Variants in LINGO2 observed in about 807,000 individuals in gnomAD.
LINGO2 encodes the protein leucine-rich repeat and immunoglobulin-like domain-containing nogo receptor-interacting protein 2.
Under a neutral mutation model 30.6 loss-of-function variants are expected in LINGO2, and 14 were observed. The observed-to-expected ratio is 0.46, with a 90% CI of 0.30 to 0.72. LINGO2 has a LOEUF of 0.72. LINGO2 is among the 30% of genes least tolerant of loss of function. LINGO2 has a pLI of 0.07. For synonymous variants in LINGO2, 317 were observed against 288.5 expected (o/e 1.10, Z -1.00); for missense variants, 729 against 751.7 (o/e 0.97, Z 0.35).
chr9:28,714,605 T>C, the LINGO2 span, among the ~76,000 whole-genome samples: 2 of 152,150 alleles, frequency 1.3e-5, no homozygotes, highest in Non-Finnish European at 2.9e-5. Flanking sequence ...GTCATTTTGG[T>C]GTTTTAATGA....
At chr9:28,891,178 A>G in the LINGO2 span, among the ~76,000 whole-genome samples, 3 of 152,156 alleles carry the variant, frequency 2.0e-5, no homozygotes, top group South Asian at 6.2e-4. Flanking sequence ...GCAATTGTGT[A>G]GCAGTACATA....
At chr9:28,925,343 G>C in the LINGO2 span, among the ~76,000 whole-genome samples, 2 of 152,226 alleles carry the variant, frequency 1.3e-5, no homozygotes, top group Admixed American at 1.3e-4. Flanking sequence ...CTAACGATAG[G>C]AGTTTTGGGC....
intron 2 of LINGO2, among the ~76,000 whole-genome samples, chr9:28,464,628 A>C (rs1378506864): frequency 6.6e-6 from 1 of 152,216 alleles, no homozygotes; most frequent in Admixed American, 6.5e-5. Context: ...ATAGGTCATA[A>C]CTTCCGTATT....
intron 4 of LINGO2, among the ~76,000 whole-genome samples, chr9:28,103,596 A>G (rs1826480305): frequency 6.6e-6 from 1 of 152,200 alleles, no homozygotes; most frequent in South Asian, 2.1e-4. Flanking sequence ...ACTGACCAGC[A>G]GCTTACCTCA....
At chr9:28,251,952 C>T (rs1489794691) in intron 4 of LINGO2, among the ~76,000 whole-genome samples, 1 of 152,104 alleles carries the variant, frequency 6.6e-6, no homozygotes, top group Non-Finnish European at 1.5e-5. Flanking sequence ...GTTAGGAGAT[C>T]TTGATTCTTA....
chr9:28,054,214 G>A (rs1210793349), intron 4 of LINGO2, among the ~76,000 whole-genome samples: 1 of 152,054 alleles, frequency 6.6e-6, no homozygotes, highest in Non-Finnish European at 1.5e-5. Flanking sequence ...AAGAAATAGT[G>A]CCAGACAGAA....
intron 3 of LINGO2, among the ~76,000 whole-genome samples, chr9:28,370,591 G>A (rs1483899391): frequency 6.6e-6 from 1 of 152,160 alleles, no homozygotes; most frequent in Non-Finnish European, 1.5e-5. Flanking sequence ...TACCTTCAGG[G>A]AGATCATGAT....
chr9:28,804,414 T>C, the LINGO2 span, among the ~76,000 whole-genome samples: 1 of 152,126 alleles, frequency 6.6e-6, no homozygotes, highest in Admixed American at 6.6e-5. Flanking sequence ...TACAAAGAGA[T>C]GACCATTAGC....
intron 5 of LINGO2, among the ~76,000 whole-genome samples, chr9:27,971,306 AC>A (rs1217145915): frequency 1.3e-5 from 2 of 150,348 alleles, no homozygotes; most frequent in Non-Finnish European, 3.0e-5. Context: ...TTTCCCTCTC[AC>A]CCAAAGTCTT....
the LINGO2 span, among the ~76,000 whole-genome samples, chr9:28,797,218 C>A: frequency 1.3e-5 from 2 of 150,476 alleles, no homozygotes; most frequent in Admixed American, 6.7e-5. Flanking sequence ...AGGAACAGTT[C>A]TTTATACTGG....
At chr9:28,565,472 A>C (rs1002561981) in intron 1 of LINGO2, among the ~76,000 whole-genome samples, 1 of 151,696 alleles carries the variant, frequency 6.6e-6, no homozygotes, top group Non-Finnish European at 1.5e-5. Context: ...GGCGTGAGGC[A>C]TCATGCCTGA....
chr9:28,916,061 A>T, the LINGO2 span, among the ~76,000 whole-genome samples: 1 of 152,112 alleles, frequency 6.6e-6, no homozygotes, highest in Non-Finnish European at 1.5e-5. Flanking sequence ...CCATGGTGCA[A>T]ATGGGTGGTC....
At chr9:28,003,386 T>TAGATAGATATATAG (rs1554653804) in intron 5 of LINGO2, among the ~76,000 whole-genome samples, 6 of 134,964 alleles carry the variant, frequency 4.4e-5, no homozygotes, top group South Asian at 2.3e-4. Context: ...TAGATAGATA[T>TAGATAGATATATAG]AGAGAGAGAG....
chr9:28,658,715 T>A (rs952592339), intron 1 of LINGO2, among the ~76,000 whole-genome samples: 4 of 152,072 alleles, frequency 2.6e-5, no homozygotes, highest in Non-Finnish European at 4.4e-5. Flanking sequence ...GAGGAGGTTG[T>A]CCACAAGTGT....
chr9:28,274,697 G>A (rs144523834), intron 4 of LINGO2, among the ~76,000 whole-genome samples: 380 of 152,290 alleles, frequency 2.5e-3, no homozygotes, highest in African/African-American at 8.7e-3. Context: ...AGACAAGTCA[G>A]AAGTGGCAGC....
the LINGO2 span, among the ~76,000 whole-genome samples, chr9:28,921,828 A>C: frequency 1.3e-5 from 2 of 152,208 alleles, no homozygotes; most frequent in South Asian, 4.1e-4. Context: ...GTTAGTTTCA[A>C]ATTGTAAACA....
chr9:28,657,424 T>A (rs531322006), intron 1 of LINGO2, among the ~76,000 whole-genome samples: 1 of 152,070 alleles, frequency 6.6e-6, no homozygotes, highest in Non-Finnish European at 1.5e-5. Flanking sequence ...ACACATTTAA[T>A]ATCTTTACTA....
At chr9:28,696,259 G>T in the LINGO2 span, among the ~76,000 whole-genome samples, 1 of 151,894 alleles carries the variant, frequency 6.6e-6, no homozygotes, top group South Asian at 2.1e-4. Flanking sequence ...TATTTCCCAT[G>T]ATTTGGGTTC....
the LINGO2 span, among the ~76,000 whole-genome samples, chr9:28,870,344 A>T: frequency 6.6e-6 from 1 of 152,062 alleles, no homozygotes; most frequent in Non-Finnish European, 1.5e-5. Flanking sequence ...ACCTAAACAT[A>T]TAACTTCATG....
Sources: allele counts gnomAD v4.1 joint callset (sites outside exome capture counted in the v4.1 genomes callset), GRCh38; gene constraint gnomAD v4.1.1; transcripts MANE v1.5; gene names NCBI Gene and HGNC (gene_info 2026-07-23, HGNC 2026-07-21).